Variants in SEMA5A observed in about 807,000 individuals in gnomAD.
SEMA5A encodes the protein semaphorin 5A, also known as semaphorin-5A.
SEMA5A carries 55 observed loss-of-function variants against 135.5 expected under a neutral mutation model. The observed-to-expected ratio is 0.41, with a 90% CI of 0.33 to 0.51. The LOEUF is 0.51. SEMA5A is among the 20% of genes least tolerant of loss of function. The pLI is 0.37. For synonymous variants in SEMA5A, 580 were observed against 546.5 expected, an observed-to-expected ratio of 1.06 and a Z score of -0.85; for missense variants, 1,290 against 1,419.9, an observed-to-expected ratio of 0.91 and a Z score of 1.47.
intron 12 of SEMA5A, among the ~76,000 whole-genome samples, chr5:9,141,136 C>A (rs1742045683): frequency 6.6e-6 from 1 of 151,854 alleles, no homozygotes; most frequent in African/African-American, 2.4e-5. Flanking sequence ...TATTTTACAC[C>A]ATGGGCAAAA....
At chr5:9,049,943 A>T (rs527917134) in intron 21 of SEMA5A, among the ~76,000 whole-genome samples, 2 of 152,242 alleles carry the variant, frequency 1.3e-5, no homozygotes, top group Admixed American at 1.3e-4. Flanking sequence ...AGTGGGTTGG[A>T]GATTGGAAGC....
Position 9,122,648 on chromosome 5 carries a change from C to T in SEMA5A, c.1781+8G>A, listed in dbSNP as rs369039440. Reference sequence around the variant, plus strand: ...AGCAGCACAACTGGCGTGTTCTGAGCGGCACACCTGGAACAGTTGGCGATC... The same window carrying T: ...AGCAGCACAACTGGCGTGTTCTGAGTGGCACACCTGGAACAGTTGGCGATC... On this transcript the variant is annotated splice_region_variant and intron_variant, in intron 14 of 22. Transcript: ENST00000382496. The T allele has an allele frequency of 1.2e-4, 197 of 1,579,624 alleles. No individual in the cohort carries two copies. The highest frequency in any genetic ancestry group is 2.3e-4 in the Admixed American group (13 of 57,482).
intron 16 of SEMA5A, among the ~76,000 whole-genome samples, chr5:9,083,631 C>T (rs1186342759): frequency 6.7e-6 from 1 of 149,424 alleles, no homozygotes; most frequent in African/African-American, 2.5e-5. Context: ...TCCATCCATC[C>T]ATCTTTCAGT....
Position 9,041,387 on chromosome 5 carries a change from A to G in SEMA5A, c.*1510T>C, listed in dbSNP as rs1735958420. 6.6e-6 allele frequency: 1 copy of G among 152,232 alleles called. No homozygotes were observed. 9.4% of individuals were successfully genotyped at this position (152,232 alleles called of 1,614,324 possible). ...ACCCAGGACTTTATCACATGCTCAG[A>G]GGCATCAGATGAACTTTTTCAGTCG... On this transcript the variant is annotated 3_prime_UTR_variant, in exon 23 of 23. Transcript: ENST00000382496.
At chr5:9,365,637 G>T (rs1037911300) in intron 3 of SEMA5A, among the ~76,000 whole-genome samples, 5 of 152,098 alleles carry the variant, frequency 3.3e-5, no homozygotes, top group East Asian at 3.9e-4. Context: ...ATAAATGGTG[G>T]TTTTTTTCCA....
chr5:9,229,851 C>T (rs1249790931), intron 6 of SEMA5A, among the ~76,000 whole-genome samples: 1 of 152,040 alleles, frequency 6.6e-6, no homozygotes, highest in Non-Finnish European at 1.5e-5. Flanking sequence ...AGTTCTACAG[C>T]CCTGGTGAAG....
chr5:9,285,474 T>C (rs1038229450), intron 5 of SEMA5A, among the ~76,000 whole-genome samples: 3 of 152,202 alleles, frequency 2.0e-5, no homozygotes, highest in Non-Finnish European at 4.4e-5. Context: ...AGAAACTCTT[T>C]AGTCTCTCAA....
chr5:9,513,252 T>C (rs1736315063), intron 1 of SEMA5A, among the ~76,000 whole-genome samples: 1 of 151,944 alleles, frequency 6.6e-6, no homozygotes, highest in Non-Finnish European at 1.5e-5. Context: ...TAATAATTCA[T>C]TCCGATAATA....
intron 2 of SEMA5A, among the ~76,000 whole-genome samples, chr5:9,425,167 G>A (rs268483): frequency 0.91 from 138,578 of 152,234 alleles, 63,549 homozygotes; most frequent in African/African-American, 0.96. Context: ...GTTGTCCCCT[G>A]TTCACTCTCT....
chr5:9,542,166 C>G (rs1210098851), intron 1 of SEMA5A, among the ~76,000 whole-genome samples: 3 of 151,986 alleles, frequency 2.0e-5, no homozygotes, highest in African/African-American at 7.3e-5. Context: ...CCAAGCGTAC[C>G]CATATCTGTT....
intron 6 of SEMA5A, among the ~76,000 whole-genome samples, chr5:9,231,630 T>A (rs1747638528): frequency 6.6e-6 from 1 of 152,190 alleles, no homozygotes; most frequent in Non-Finnish European, 1.5e-5. Flanking sequence ...TTCCATGGGT[T>A]ACCTGAACTT....
chr5:9,457,319 T>A (rs1327880240), intron 1 of SEMA5A, among the ~76,000 whole-genome samples: 1 of 152,246 alleles, frequency 6.6e-6, no homozygotes, highest in East Asian at 1.9e-4. Context: ...CACCAATTTC[T>A]ACCTGTGCAG....
chr5:9,361,204 C>T (rs1265382191), intron 3 of SEMA5A, among the ~76,000 whole-genome samples: 1 of 151,536 alleles, frequency 6.6e-6, no homozygotes, highest in Non-Finnish European at 1.5e-5. Flanking sequence ...GAGGCTGTGG[C>T]ACGAGAATCA....
intron 3 of SEMA5A, among the ~76,000 whole-genome samples, chr5:9,354,411 T>A (rs1301929466): frequency 6.6e-6 from 1 of 152,220 alleles, no homozygotes; most frequent in Admixed American, 6.5e-5. Flanking sequence ...ATATTCTCAT[T>A]TCCTGATGTG....
intron 3 of SEMA5A, among the ~76,000 whole-genome samples, chr5:9,376,987 G>A (rs567717949): frequency 1.3e-5 from 2 of 151,906 alleles, no homozygotes; most frequent in East Asian, 3.9e-4. Context: ...TTTACAGGAG[G>A]CATTACTCAC....
At chr5:9,470,045 C>G (rs1486112815) in intron 1 of SEMA5A, among the ~76,000 whole-genome samples, 2 of 152,178 alleles carry the variant, frequency 1.3e-5, no homozygotes, top group African/African-American at 4.8e-5. Context: ...ATTCCAACGT[C>G]TGGACATGGT....
chr5:9,297,814 G>A (rs914382789), intron 5 of SEMA5A, among the ~76,000 whole-genome samples: 7 of 150,470 alleles, frequency 4.7e-5, no homozygotes, highest in Admixed American at 2.0e-4. Context: ...TGCCTACCTT[G>A]GCCACCCAAA....
chr5:9,500,675 A>C (rs941667189), intron 1 of SEMA5A, among the ~76,000 whole-genome samples: 4 of 152,218 alleles, frequency 2.6e-5, no homozygotes, highest in Non-Finnish European at 4.4e-5. Flanking sequence ...ACATCTTAAT[A>C]TAACTATATC....
chr5:9,500,329 GC>G (rs1226376060), intron 1 of SEMA5A, among the ~76,000 whole-genome samples: 1 of 152,196 alleles, frequency 6.6e-6, no homozygotes, highest in East Asian at 1.9e-4. Context: ...TCCCCATGGG[GC>G]CTCTGAAGTG....
Sources: gnomAD v4.1 joint callset for allele counts (sites outside exome capture counted in the v4.1 genomes callset) on GRCh38, gnomAD v4.1.1 for gene constraint, MANE v1.5 for transcripts, NCBI Gene and HGNC (gene_info 2026-07-23, HGNC 2026-07-21) for gene names.